TSHZ2: variants seen among roughly 807,000 people sequenced by gnomAD.
TSHZ2 encodes the protein teashirt homolog 2.
Under a neutral mutation model 74.4 loss-of-function variants are expected in TSHZ2, and 21 were observed. The ratio of observed to expected loss-of-function variants is 0.28; its 90% CI spans 0.20 to 0.41. The LOEUF (loss-of-function observed/expected upper bound fraction) is 0.41, where lower values mean the gene tolerates loss of function less well. Ranked by LOEUF, TSHZ2 falls within the 10% of genes least tolerant of loss-of-function variation. TSHZ2 has a pLI of 1.00. For missense variants in TSHZ2, 1,244 were observed against 1,293.5 expected (o/e 0.96, Z 0.59); for synonymous variants, 540 against 515.3 (o/e 1.05, Z -0.65).
At chr20:53,116,270 G>A (rs1986663381) in intron 1 of TSHZ2, among the ~76,000 whole-genome samples, 1 of 152,210 alleles carries the variant, frequency 6.6e-6, no homozygotes, top group East Asian at 1.9e-4. Context: ...AGGGAGGGGA[G>A]ATGCCCTAGT....
At chr20:53,115,940 A>G (rs536811720) in intron 1 of TSHZ2, among the ~76,000 whole-genome samples, 1 of 152,204 alleles carries the variant, frequency 6.6e-6, no homozygotes, top group African/African-American at 2.4e-5. Context: ...GTGGGTGTGG[A>G]TAAGTGATTC....
At chr20:53,403,147 T>G (rs1982728921) in intron 2 of TSHZ2, among the ~76,000 whole-genome samples, 1 of 152,202 alleles carries the variant, frequency 6.6e-6, no homozygotes. Flanking sequence ...TATGAGAACA[T>G]GTAGGATTTG....
intron 1 of TSHZ2, among the ~76,000 whole-genome samples, chr20:53,081,802 A>T (rs959005226): frequency 6.6e-6 from 1 of 152,060 alleles, no homozygotes; most frequent in Non-Finnish European, 1.5e-5. Context: ...TGTGGGTTTT[A>T]TTGTGAAATT....
chr20:53,017,467 C>G (rs1287158773), intron 1 of TSHZ2, among the ~76,000 whole-genome samples: 1 of 151,970 alleles, frequency 6.6e-6, no homozygotes, highest in Non-Finnish European at 1.5e-5. Flanking sequence ...TGATATGTAT[C>G]GTAATGTGTA....
intron 2 of TSHZ2, among the ~76,000 whole-genome samples, chr20:53,420,014 A>C (rs73913746): frequency 0.046 from 7,053 of 152,350 alleles, 330 homozygotes; most frequent in African/African-American, 0.12. Context: ...AAATTTAGTC[A>C]TTCACTGTTC....
intron 2 of TSHZ2, among the ~76,000 whole-genome samples, chr20:53,341,814 G>A (rs986173013): frequency 6.6e-6 from 1 of 151,994 alleles, no homozygotes; most frequent in African/African-American, 2.4e-5. Context: ...GGGTTCAAGC[G>A]ATTCTCCTGT....
chr20:53,168,688 G>T (rs1240423666), intron 1 of TSHZ2: 2 of 152,110 alleles, frequency 1.3e-5, no homozygotes, highest in Non-Finnish European at 2.9e-5. Flanking sequence ...GTACAAAGTT[G>T]ATCTCCACGT....
chr20:53,171,393 A>G (rs1173663580), intron 1 of TSHZ2, among the ~76,000 whole-genome samples: 5 of 152,238 alleles, frequency 3.3e-5, no homozygotes, highest in Non-Finnish European at 7.3e-5. Context: ...TTTAATTGCA[A>G]TTATGGTCCC....
intron 2 of TSHZ2, among the ~76,000 whole-genome samples, chr20:53,280,917 C>T (rs914361517): frequency 1.3e-4 from 20 of 152,302 alleles, no homozygotes; most frequent in African/African-American, 4.8e-4. Flanking sequence ...TGGTCTCGAT[C>T]TCCTGACCTC....
At chr20:53,082,207 G>A (rs1335908600) in intron 1 of TSHZ2, among the ~76,000 whole-genome samples, 1 of 152,134 alleles carries the variant, frequency 6.6e-6, no homozygotes, top group Non-Finnish European at 1.5e-5. Flanking sequence ...TCTTTGAATG[G>A]TCTATGTATT....
chr20:53,382,983 G>A (rs755914119), intron 2 of TSHZ2, among the ~76,000 whole-genome samples: 10 of 152,160 alleles, frequency 6.6e-5, no homozygotes, highest in African/African-American at 1.4e-4. Flanking sequence ...CTTTCTCACC[G>A]GGCACAGTGG....
In TSHZ2 at chr20:52,980,419, G is replaced by A. The variant is rs1479151526; in HGVS notation, c.40+7086G>A. Among the ~76,000 whole-genome samples, 15 of 150,760 alleles carry A rather than the reference G, an allele frequency of 9.9e-5. No individual in the cohort carries two copies. The South Asian group carries it at 1.5e-3, about 15-fold the overall frequency. The stretch of plus-strand genomic sequence containing the variant: ...CACAACACTGCTAGACACTAAGGTG[G>A]GTTTGAAGAAAAAAAAAAAAAGGCC... On this transcript the variant is annotated intron_variant, in intron 1 of 2. Transcript: ENST00000371497.
At chr20:53,367,994 A>G (rs558098884) in intron 2 of TSHZ2, among the ~76,000 whole-genome samples, 1 of 152,250 alleles carries the variant, frequency 6.6e-6, no homozygotes, top group South Asian at 2.1e-4. Context: ...CAATAAAGTA[A>G]TTTCTGCACA....
At chr20:53,319,001 A>G (rs779777493) in intron 2 of TSHZ2, among the ~76,000 whole-genome samples, 3 of 152,152 alleles carry the variant, frequency 2.0e-5, no homozygotes, top group Non-Finnish European at 4.4e-5. Flanking sequence ...AAACCTTCAG[A>G]TCTCATGAGA....
intron 1 of TSHZ2, among the ~76,000 whole-genome samples, chr20:53,001,234 G>GTGTA (rs1555813635): frequency 1.3e-4 from 18 of 137,630 alleles, no homozygotes; most frequent in Non-Finnish European, 2.0e-4. Context: ...GTGTGTGTGT[G>GTGTA]TGTGTGTGTG....
intron 2 of TSHZ2, among the ~76,000 whole-genome samples, chr20:53,441,431 A>T (rs1157797775): frequency 6.6e-6 from 1 of 151,442 alleles, no homozygotes; most frequent in African/African-American, 2.4e-5. Context: ...AAAACCGGCT[A>T]GGTTTTCTTT....
intron 1 of TSHZ2, among the ~76,000 whole-genome samples, chr20:52,981,406 G>T (rs1379207282): frequency 6.6e-6 from 1 of 152,184 alleles, no homozygotes; most frequent in Non-Finnish European, 1.5e-5. Context: ...ATAAAATGGG[G>T]GCAATCATAT....
chr20:53,468,688 CAAAAAAAA>C lies in TSHZ2; in HGVS notation c.*9-18442_*9-18435del, dbSNP rs1158529552. Among the ~76,000 whole-genome samples the C allele has an allele frequency of 1.7e-3, 112 of 65,398 alleles. 1 individual carries two copies. Among genetic ancestry groups the C allele is most frequent in the African/African-American group, 4.8e-3 (92 of 19,176 alleles). 42.9% of individuals were successfully genotyped at this position (65,398 alleles called of 152,430 possible). A position where few individuals can be genotyped will look rare whatever the true frequency, so the allele number is the denominator to read the frequency against. The stretch of plus-strand genomic sequence containing the variant: ...AGATTCTCTGGCATCCATTACGAGA[CAAAAAAAA>C]AAAAAAAAAAAAACTAAAAAAACTC... On this transcript the variant is annotated intron_variant, in intron 2 of 2. Transcript: ENST00000371497.
At chr20:53,368,297 G>T (rs1981346095) in intron 2 of TSHZ2, among the ~76,000 whole-genome samples, 1 of 151,354 alleles carries the variant, frequency 6.6e-6, no homozygotes, top group South Asian at 2.1e-4. Context: ...GTAATTTTTT[G>T]TTTGTTTGTT....
Sources: allele counts gnomAD v4.1 joint callset (sites outside exome capture counted in the v4.1 genomes callset), GRCh38; gene constraint gnomAD v4.1.1; transcripts MANE v1.5; gene names NCBI Gene and HGNC (gene_info 2026-07-23, HGNC 2026-07-21).